VPS13D: variants seen among roughly 807,000 people sequenced by gnomAD.
VPS13D encodes the protein vacuolar protein sorting 13 homolog D.
VPS13D carries 187 observed loss-of-function variants against 461.9 expected under a neutral mutation model. The ratio of observed to expected loss-of-function variants is 0.40; its 90% confidence interval spans 0.36 to 0.46. The LOEUF (loss-of-function observed/expected upper bound fraction) is 0.46. Among genes scored for constraint, VPS13D ranks in the 20% least tolerant of loss-of-function variants. VPS13D has a pLI of 0.60. For synonymous variants in VPS13D, 1,951 were observed against 1,986.3 expected (o/e 0.98, Z 0.47); for missense variants, 4,711 against 5,364.9 (o/e 0.88, Z 3.81).
chr1:12,418,853 T>C (rs995947995), intron 65 of VPS13D, among the ~76,000 whole-genome samples: 1 of 152,116 alleles, frequency 6.6e-6, no homozygotes, highest in African/African-American at 2.4e-5. Context: ...CAGGGCCAGT[T>C]TGACTCTTAG....
intron 32 of VPS13D, among the ~76,000 whole-genome samples, chr1:12,321,252 A>G (rs1021440393): frequency 6.6e-6 from 1 of 152,192 alleles, no homozygotes; most frequent in Non-Finnish European, 1.5e-5. Context: ...TAATATGTTT[A>G]TTTTTAATTA....
intron 65 of VPS13D, among the ~76,000 whole-genome samples, chr1:12,452,181 T>C (rs1236794433): frequency 6.6e-6 from 1 of 152,242 alleles, no homozygotes; most frequent in Non-Finnish European, 1.5e-5. Flanking sequence ...CTGCACATGT[T>C]GGATTGCTTG....
rs1289978304 is a variant in VPS13D, at chr1:12,510,324, T to C, written c.*1300T>C. 1 of 152,162 alleles carries C rather than the reference T, an allele frequency of 6.6e-6. No individual in the cohort carries two copies. Among genetic ancestry groups the C allele is most frequent in the Non-Finnish European group, 1.5e-5 (1 of 68,024 alleles). The allele number at this position is 152,162 out of a possible 1,614,324, so 9.4% of individuals were successfully genotyped here. A position where few individuals can be genotyped will look rare whatever the true frequency, so the allele number is the denominator to read the frequency against. On this transcript the variant is annotated 3_prime_UTR_variant, in exon 70 of 70. Coordinates refer to ENST00000620676, the MANE Select transcript of VPS13D (RefSeq NM_015378.4). ...TTAGAATGAATGAGTCACCTTGTGA[T>C]TTTTAAATTTTTATTTTAATAAAGC...
At chr1:12,413,863 C>G (rs975078876) in intron 63 of VPS13D, among the ~76,000 whole-genome samples, 1 of 151,820 alleles carries the variant, frequency 6.6e-6, no homozygotes, top group Non-Finnish European at 1.5e-5. Flanking sequence ...CTGAATGGAG[C>G]ATAAACTGGT....
rs1182669635 is a variant in VPS13D, at chr1:12,294,079, G to A, written c.6033+375G>A. The stretch of plus-strand genomic sequence containing the variant: ...AGTTCGTGGCCCCCGTGGGGTCCTG[G>A]TAGTTTATTCATGGCACATCCTAGG... On this transcript the variant is annotated intron_variant, in intron 24 of 69. Transcript: ENST00000620676. Among the ~76,000 whole-genome samples, 4 of 152,190 alleles carry A rather than the reference G, an allele frequency of 2.6e-5. No individual in the cohort carries two copies. The East Asian group carries it at 5.8e-4, about 22-fold the overall frequency.
chr1:12,325,068 A>G (rs931503972), intron 35 of VPS13D, among the ~76,000 whole-genome samples: 3 of 151,914 alleles, frequency 2.0e-5, no homozygotes, highest in Non-Finnish European at 4.4e-5. Context: ...CACAGGCTGC[A>G]TTTCCTTCCA....
At chr1:12,430,325 C>T (rs1367971586) in intron 65 of VPS13D, among the ~76,000 whole-genome samples, 1 of 152,158 alleles carries the variant, frequency 6.6e-6, no homozygotes, top group Admixed American at 6.5e-5. Flanking sequence ...AATTGAGTCA[C>T]AGTGAAGGTA....
chr1:12,343,171 CTTATT>C (rs1198298348), intron 42 of VPS13D, 120 bp downstream of exon 42: 45 of 843,104 alleles, frequency 5.3e-5, no homozygotes, highest in African/African-American at 4.5e-4. Flanking sequence ...TTTATCTTAT[CTTATT>C]TTATTTTATT....
At chr1:12,261,254 C>G in intron 12 of VPS13D, 105 bp downstream of exon 12, 1 of 1,356,580 alleles carries the variant, frequency 7.4e-7, no homozygotes, top group Non-Finnish European at 1.0e-6. Flanking sequence ...ATTTGGAGAA[C>G]AGTTTATGTT....
chr1:12,500,283 T>TATC, intron 68 of VPS13D: 3 of 935,614 alleles, frequency 3.2e-6, no homozygotes, highest in Non-Finnish European at 3.8e-6. Flanking sequence ...ATTCCTCTGA[T>TATC]AAGTTGCACA....
chr1:12,394,382 G>T (rs1644468137), intron 60 of VPS13D, among the ~76,000 whole-genome samples: 1 of 152,172 alleles, frequency 6.6e-6, no homozygotes, highest in Non-Finnish European at 1.5e-5. Flanking sequence ...ACATGAGTCA[G>T]ACTATTCTGA....
chr1:12,262,518 G>T (rs1641141933), intron 13 of VPS13D, among the ~76,000 whole-genome samples: 1 of 152,146 alleles, frequency 6.6e-6, no homozygotes. Context: ...GTGAGCCACA[G>T]CTCCCAGTCA....
intron 30 of VPS13D, among the ~76,000 whole-genome samples, chr1:12,317,448 G>A (rs140850359): frequency 1.3e-3 from 204 of 152,072 alleles, no homozygotes; most frequent in African/African-American, 4.5e-3. Flanking sequence ...CACTATCAAC[G>A]TTTTGGGTCA....
intron 13 of VPS13D, among the ~76,000 whole-genome samples, chr1:12,265,916 C>T (rs530901454): frequency 4.6e-5 from 7 of 152,226 alleles, no homozygotes; most frequent in South Asian, 2.1e-4. Context: ...CCCAGCACTT[C>T]GGGAGGCCAA....
chr1:12,324,334 G>A (rs930998219), intron 35 of VPS13D, among the ~76,000 whole-genome samples: 17 of 152,048 alleles, frequency 1.1e-4, no homozygotes, highest in East Asian at 7.7e-4. Flanking sequence ...TGGCGAAACC[G>A]CATCTCTACT....
intron 56 of VPS13D, 75 bp downstream of exon 56, chr1:12,378,666 C>G (rs575742800): frequency 7.3e-7 from 1 of 1,371,582 alleles, no homozygotes; most frequent in South Asian, 1.8e-5. Context: ...ACAACAAAAA[C>G]TAAGAGTTCT....
chr1:12,412,779 A>G (rs1394237185), intron 63 of VPS13D, among the ~76,000 whole-genome samples: 1 of 152,236 alleles, frequency 6.6e-6, no homozygotes, highest in Non-Finnish European at 1.5e-5. Flanking sequence ...CTCTTACCAT[A>G]TAAGAAAATA....
At chr1:12,362,631 A>G (rs1362741531) in intron 50 of VPS13D, 89 bp from the exon 51 acceptor site, 23 of 1,284,896 alleles carry the variant, frequency 1.8e-5, no homozygotes, top group Non-Finnish European at 2.2e-5. Flanking sequence ...CAGAGAAACT[A>G]AGTAACTGTG....
At position 12,363,121 on chromosome 1, in the gene VPS13D, TG is replaced by T; in HGVS notation, c.10324del (p.Val3442CysfsTer17). 2 of 1,614,200 alleles carry T rather than the reference TG, an allele frequency of 1.2e-6. No individual in the cohort carries two copies. Among genetic ancestry groups the T allele is most frequent in the Non-Finnish European group, 1.7e-6 (2 of 1,180,032 alleles). ...ATTTCCACCCTTCCTGGTTCCAGTG[TG>T]GTGTTCCACTGGCCTCGGAATGACT... ...GYISTLPGSS[V>X]VFHWPRNDYD... On this transcript the variant is annotated frameshift_variant, in exon 52 of 70. Transcript: ENST00000620676. LOFTEE classifies it high-confidence loss of function.
Sources: gnomAD v4.1 joint callset for allele counts (sites outside exome capture counted in the v4.1 genomes callset) on GRCh38, gnomAD v4.1.1 for gene constraint, MANE v1.5 for transcripts, NCBI Gene and HGNC (gene_info 2026-07-23, HGNC 2026-07-21) for gene names.